The following BUD23 variants were observed in gnomAD, a reference collection of about 807,000 sequenced individuals.
BUD23 encodes the protein 18S rRNA (guanine-N(7))-methyltransferase.
Under a neutral mutation model 47.0 loss-of-function variants are expected in BUD23, and 34 were observed. The observed-to-expected ratio is 0.72, with a 90% CI of 0.55 to 0.96. The LOEUF (loss-of-function observed/expected upper bound fraction) is 0.96. Ranked by LOEUF, BUD23 falls within the 40% of genes least tolerant of loss-of-function variation. The pLI is 0.00. For missense variants in BUD23, 343 were observed against 361.2 expected (o/e 0.95, Z 0.41); for synonymous variants, 124 against 132.0 (o/e 0.94, Z 0.41).
At chr7:73,697,448 C>T (rs782050744) in intron 10 of BUD23, 157 bp from the exon 11 acceptor site, 38 of 1,539,082 alleles carry the variant, frequency 2.5e-5, no homozygotes, top group Non-Finnish European at 3.1e-5. Flanking sequence ...GTGTCCAGAG[C>T]GGGGAATTGT....
At chr7:73,694,641 C>G (rs1798327702) in intron 10 of BUD23, 1 of 152,606 alleles carries the variant, frequency 6.6e-6, no homozygotes, top group Non-Finnish European at 1.5e-5. Context: ...CCACCAATTT[C>G]CATCAAGCCA....
chr7:73,694,034 G>T lies in BUD23; in HGVS notation c.685G>T (p.Val229Leu), dbSNP rs782613266. 3.7e-6 allele frequency: 6 copies of T among 1,610,416 alleles called. No individual in the cohort carries two copies. The South Asian group carries it at 6.6e-5, about 18-fold the overall frequency. The change falls in exon 10 of 12, where the codon GTG (valine) becomes TTG (leucine). Residue 229 changes from valine to leucine, a missense_variant. Val to Leu is a conservative substitution (Grantham distance 32, BLOSUM62 1). Transcript: ENST00000265758. ...NQDEVEPRES[V>L]FTNERFPLRM... ...GGATGAAGTTGAACCCAGGGAGTCT[G>T]TGTTCACCAATGAGAGGTAAAGCAA...
In BUD23 at chr7:73,688,095, A is replaced by G. The variant is rs1291090031; in HGVS notation, c.362+1000A>G. ...ATATTTTTAGTAGAGACGGGGTTTC[A>G]CCATGTTAGCCAGGATGGTCTCAAT... On this transcript the variant is annotated intron_variant, in intron 5 of 11. Transcript: ENST00000265758. Among the ~76,000 whole-genome samples, 4 of 151,912 alleles carry G rather than the reference A, an allele frequency of 2.6e-5. 1 individual carries two copies. In the East Asian group the frequency reaches 7.8e-4, roughly 30 times the overall value.
chr7:73,690,800 C>G, intron 5 of BUD23, 116 bp from the exon 6 acceptor site: 1 of 765,280 alleles, frequency 1.3e-6, no homozygotes, highest in South Asian at 1.6e-5. Flanking sequence ...AGAAGGGAAG[C>G]TGTGGGAGGA....
At chr7:73,688,155 C>CA (rs1798051985) in intron 5 of BUD23, among the ~76,000 whole-genome samples, 1 of 152,134 alleles carries the variant, frequency 6.6e-6, no homozygotes, top group African/African-American at 2.4e-5. Flanking sequence ...TTCAGCCTCC[C>CA]AAAGTGCTAG....
At chr7:73,694,398 A>G (rs1798314420) in intron 10 of BUD23, 1 of 247,048 alleles carries the variant, frequency 4.0e-6, no homozygotes, top group Non-Finnish European at 7.7e-6. Flanking sequence ...TCCTTCCTGC[A>G]TCCTCATCTT....
chr7:73,688,564 A>G (rs959070731), intron 5 of BUD23, among the ~76,000 whole-genome samples: 6 of 152,186 alleles, frequency 3.9e-5, no homozygotes, highest in African/African-American at 9.6e-5. Flanking sequence ...GAGCGTCTGG[A>G]CTTGCTCTAA....
intron 5 of BUD23, among the ~76,000 whole-genome samples, chr7:73,687,578 C>CA (rs1481982282): frequency 1.3e-5 from 2 of 151,748 alleles, no homozygotes; most frequent in East Asian, 3.9e-4. Context: ...CACAGCCTAA[C>CA]TTTTTTTGTA....
At position 73,686,800 on chromosome 7, in the gene BUD23, T is replaced by A; in HGVS notation, c.183-18T>A. ...TGTCTTTGTAAACTGACCCTGAGTG[T>A]CTGGTCATGTCTTCCAGCTGTGGCA... is the stretch of plus-strand genomic sequence containing the variant. On this transcript the variant is annotated intron_variant, in intron 3 of 11. Coordinates refer to ENST00000265758, the MANE Select transcript of BUD23 (RefSeq NM_017528.5). 6.2e-7 allele frequency: 1 copy of A among 1,614,154 alleles called. No homozygotes were observed. Among genetic ancestry groups the A allele is most frequent in the Non-Finnish European group, 8.5e-7 (1 of 1,180,000 alleles).
At chr7:73,692,898 C>T (rs1798248537) in intron 7 of BUD23, 2 of 552,542 alleles carry the variant, frequency 3.6e-6, no homozygotes, top group Admixed American at 3.3e-5. Context: ...ATTTCCATAA[C>T]CAAATAAGTA....
chr7:73,695,681 A>T (rs1451052232), intron 10 of BUD23: 3 of 152,208 alleles, frequency 2.0e-5, no homozygotes, highest in Non-Finnish European at 4.4e-5. Flanking sequence ...GCTTCCAACG[A>T]GCCTAATCCA....
intron 5 of BUD23, among the ~76,000 whole-genome samples, chr7:73,689,211 G>A (rs1392232851): frequency 2.0e-5 from 3 of 152,088 alleles, no homozygotes; most frequent in Middle Eastern, 3.2e-3. Flanking sequence ...CACCATGCTT[G>A]GCTAATTTTT....
Position 73,686,804 on chromosome 7 carries a change from G to C in BUD23, c.183-14G>C. On this transcript the variant is annotated splice_polypyrimidine_tract_variant and intron_variant, in intron 3 of 11. Transcript: ENST00000265758. ...TTTGTAAACTGACCCTGAGTGTCTGGTCATGTCTTCCAGCTGTGGCACTGG... is the reference window on the plus strand; with the variant it reads ...TTTGTAAACTGACCCTGAGTGTCTGCTCATGTCTTCCAGCTGTGGCACTGG... 1 of 1,614,116 alleles carries C rather than the reference G, an allele frequency of 6.2e-7. No individual in the cohort carries two copies. The highest frequency in any genetic ancestry group is 1.7e-5 in the Admixed American group (1 of 60,014).
At chr7:73,686,577 G>C in intron 2 of BUD23, 59 bp from the exon 3 acceptor site, 2 of 1,458,806 alleles carry the variant, frequency 1.4e-6, no homozygotes, top group Non-Finnish European at 1.9e-6. Flanking sequence ...TTTTTGGTCT[G>C]GGGGAAGTAT....
Position 73,693,382 on chromosome 7 carries a change from G to T in BUD23, c.564G>T (p.Val188=). The change falls in exon 8 of 12, where the codon GTG becomes GTT. Residue 188 remains valine (V), a synonymous_variant. Transcript: ENST00000265758. ...AGGCAGGCTTCTCCGGTGGCATGGT[G>T]GTAGACTACCCTAACAGTGCCAAAG... ...ATKAGFSGGM[V]VDYPNSAKAK... 1 of 1,614,196 alleles carries T rather than the reference G, an allele frequency of 6.2e-7. No homozygotes were observed. The highest frequency in any genetic ancestry group is 1.1e-5 in the South Asian group (1 of 91,080).
chr7:73,698,125 C>A lies in BUD23; in HGVS notation c.*239C>A. The A allele has an allele frequency of 1.4e-5, 2 of 147,316 alleles. No individual in the cohort carries two copies. The highest frequency in any genetic ancestry group is 2.6e-5 in the Non-Finnish European group (2 of 76,998). The allele number at this position is 147,316 out of a possible 1,614,324, so 9.1% of individuals were successfully genotyped here. On this transcript the variant is annotated 3_prime_UTR_variant, in exon 12 of 12. Coordinates refer to ENST00000265758, the MANE Select transcript of BUD23 (RefSeq NM_017528.5). ...TGCCTGGGCAACATAATGAAACTTC[C>A]TTTCCAGGGAGGAAAAAAAAAAAAA... is the stretch of plus-strand genomic sequence containing the variant.
chr7:73,692,968 T>G, intron 7 of BUD23: 1 of 537,094 alleles, frequency 1.9e-6, no homozygotes, highest in Non-Finnish European at 3.3e-6. Flanking sequence ...ATGTATAAAT[T>G]AAGGAATGGC....
rs782807391 is a variant in BUD23, at chr7:73,686,845, T to C, written c.210T>C (p.Tyr70=). 6.2e-7 allele frequency: 1 copy of C among 1,614,220 alleles called. No individual in the cohort carries two copies. The change falls in exon 4 of 12, where the codon TAT becomes TAC. Residue 70 remains tyrosine, a synonymous_variant. Transcript: ENST00000265758. Reference sequence around the variant, plus strand: ...GTGGCACTGGGCTGAGTGGAAGTTATCTGTCAGATGAAGGGCACTATTGGG... The same window carrying C: ...GTGGCACTGGGCTGAGTGGAAGTTACCTGTCAGATGAAGGGCACTATTGGG... The part of the protein sequence containing the change: ...IGCGTGLSGS[Y]LSDEGHYWVG...
At chr7:73,692,090 C>T (rs1344931853) in intron 6 of BUD23, among the ~76,000 whole-genome samples, 1 of 152,126 alleles carries the variant, frequency 6.6e-6, no homozygotes, top group Admixed American at 6.5e-5. Context: ...CTGATGTGGC[C>T]GCTGGCCTTT....
Sources: gnomAD v4.1 joint callset for allele counts (sites outside exome capture counted in the v4.1 genomes callset) on GRCh38, gnomAD v4.1.1 for gene constraint, MANE v1.5 for transcripts, NCBI Gene and HGNC (gene_info 2026-07-23, HGNC 2026-07-21) for gene names.